Variants in FAM98C observed in about 807,000 individuals in gnomAD.
The protein encoded by FAM98C is protein FAM98C.
A neutral mutation model predicts 41.1 loss-of-function variants in FAM98C; 38 were observed. That is an observed-to-expected ratio of 0.92 (90% CI 0.71 to 1.21). The LOEUF is 1.21. FAM98C is among the 50% of genes most tolerant of loss of function. FAM98C has a pLI of 0.00. For missense variants in FAM98C, 493 were observed against 484.7 expected (o/e 1.02, Z -0.16); for synonymous variants, 195 against 216.7 (o/e 0.90, Z 0.88).
chr19:38,407,697 GA>G (rs1971065041), intron 7 of FAM98C: 1 of 149,598 alleles, frequency 6.7e-6, no homozygotes, highest in African/African-American at 2.4e-5. Flanking sequence ...AACAAAGACA[GA>G]AATAGGCCAG....
chr19:38,407,084 A>G lies in FAM98C; in HGVS notation c.918+7A>G. The G allele has an allele frequency of 6.2e-7, 1 of 1,612,214 alleles. No individual in the cohort carries two copies. Among genetic ancestry groups the G allele is most frequent in the Non-Finnish European group, 8.5e-7 (1 of 1,178,724 alleles). ...CTGCTGTGCCATCAACAAGGTGGGC[A>G]TCTGGGGTAGGGAAGGGCCCTGGCA... On this transcript the variant is annotated splice_region_variant and intron_variant, in intron 7 of 7. Coordinates refer to ENST00000252530, the MANE Select transcript of FAM98C (RefSeq NM_174905.4).
Position 38,403,162 on chromosome 19 carries a change from G to C in FAM98C, c.9G>C (p.Ala3=). The C allele has an allele frequency of 6.5e-7, 1 of 1,531,774 alleles. No homozygotes were observed. The highest frequency in any genetic ancestry group is 8.7e-7 in the Non-Finnish European group (1 of 1,152,692). The allele number at this position is 1,531,774 out of a possible 1,614,324, so 94.9% of individuals were successfully genotyped here. The change falls in exon 1 of 8, where the codon GCG becomes GCC. Residue 3 remains alanine, a synonymous_variant. Coordinates refer to ENST00000252530, the MANE Select transcript of FAM98C (RefSeq NM_174905.4). ME[A]VKAEAWEGAA... is the part of the protein sequence containing the mutation. ...GCCGAGACCACACTTTCATGGAGGC[G>C]GTGAAGGCGGAAGCGTGGGAGGGGG...
intron 1 of FAM98C, 43 bp from the exon 2 acceptor site, chr19:38,403,295 C>T (rs3745959): frequency 0.11 from 161,621 of 1,504,382 alleles, 10,045 homozygotes; most frequent in East Asian, 0.29. Flanking sequence ...AAAGGGATTC[C>T]CAGTGACATC....
chr19:38,403,610 G>A lies in FAM98C; in HGVS notation c.265G>A (p.Glu89Lys), dbSNP rs1970997425. 2.7e-6 allele frequency: 4 copies of A among 1,486,840 alleles called. No individual in the cohort carries two copies. Among genetic ancestry groups the A allele is most frequent in the Non-Finnish European group, 2.7e-6 (3 of 1,130,596 alleles). 92.1% of individuals were successfully genotyped at this position (1,486,840 alleles called of 1,614,324 possible). A position where few individuals can be genotyped will look rare whatever the true frequency, so the allele number is the denominator to read the frequency against. The change falls in exon 3 of 8, where the codon GAG (glutamate) becomes AAG (lysine). Residue 89 changes from glutamate (E) to lysine (K), a missense_variant. Glu to Lys is a moderately conservative substitution (Grantham distance 56). Coordinates refer to ENST00000252530, the MANE Select transcript of FAM98C (RefSeq NM_174905.4). Reference sequence around the variant, plus strand: ...GCGGCAGCTCGGCAGCCTGCTGCGGGAGCTGCACTGCCCGGATCGCGCGCT... The same window carrying A: ...GCGGCAGCTCGGCAGCCTGCTGCGGAAGCTGCACTGCCCGGATCGCGCGCT... ...FLRQLGSLLR[E>K]LHCPDRALCG...
Position 38,403,374 on chromosome 19 carries a change from C to T in FAM98C, c.102C>T (p.Ala34=), listed in dbSNP as rs1434684603. The change falls in exon 2 of 8, where the codon GCC becomes GCT. Residue 34 remains alanine, a synonymous_variant. Transcript: ENST00000252530. ...GGVPGAASRG[A]SCPDFRGLCV... ...TCCCGGGGGCGGCGTCGCGGGGCGCCTCATGCCCAGACTTCAGGGGGCTGT... is the reference window on the plus strand; with the variant it reads ...TCCCGGGGGCGGCGTCGCGGGGCGCTTCATGCCCAGACTTCAGGGGGCTGT... 10 of 1,471,220 alleles carry T rather than the reference C, an allele frequency of 6.8e-6. No homozygotes were observed. Among genetic ancestry groups the T allele is most frequent in the African/African-American group, 3.0e-5 (2 of 67,382 alleles). 91.1% of individuals were successfully genotyped at this position (1,471,220 alleles called of 1,614,324 possible).
chr19:38,405,858 C>CGTTTTTT lies in FAM98C; in HGVS notation c.750+223_750+224insGTTTTTT, dbSNP rs768707631. ...CAGTATATTCAGAGGCATACCCCAT[C>CGTTTTTT]ATTTTTTTTTTTTTTTTGAGACGGG... On this transcript the variant is annotated intron_variant, in intron 6 of 7. Transcript: ENST00000252530. 3.3e-4 allele frequency: 160 copies of CGTTTTTT among 482,836 alleles called. 1 individual carries two copies. The highest frequency in any genetic ancestry group is 3.1e-3 in the African/African-American group (152 of 49,580). The allele number at this position is 482,836 out of a possible 1,614,324, so 29.9% of individuals were successfully genotyped here. A position where few individuals can be genotyped will look rare whatever the true frequency, so the allele number is the denominator to read the frequency against.
At chr19:38,408,690 C>T in intron 7 of FAM98C, 61 bp from the exon 8 acceptor site, 1 of 1,611,782 alleles carries the variant, frequency 6.2e-7, no homozygotes, top group Non-Finnish European at 8.5e-7. Context: ...TCCCTTCGCT[C>T]TCTGGCCCCC....
intron 7 of FAM98C, chr19:38,407,800 C>G (rs1419373867): frequency 2.0e-5 from 3 of 151,668 alleles, no homozygotes; most frequent in Admixed American, 2.0e-4. Context: ...CTGGCTAACA[C>G]GGTGAAACCC....
At chr19:38,408,713 CT>C (rs761511532) in intron 7 of FAM98C, 37 bp from the exon 8 acceptor site, 5 of 1,613,924 alleles carry the variant, frequency 3.1e-6, no homozygotes, top group Middle Eastern at 1.6e-4. Context: ...GTCCAAGATA[CT>C]TTTTTTCTCT....
chr19:38,405,009 G>T lies in FAM98C; in HGVS notation c.451G>T (p.Ala151Ser), dbSNP rs1971018303. Residue 151 changes from alanine (A) to serine (S), a missense_variant, in exon 4 of 8, where the codon GCC (alanine) becomes TCC (serine). Ala to Ser is a moderately conservative substitution (Grantham distance 99). Coordinates refer to ENST00000252530, the MANE Select transcript of FAM98C (RefSeq NM_174905.4). Reference sequence around the variant, plus strand: ...CCTTGGTGAAGGGGTAGTGGAGGGAGCCGGCATGGTCCAAGAACTGGACCT... The same window carrying T: ...CCTTGGTGAAGGGGTAGTGGAGGGATCCGGCATGGTCCAAGAACTGGACCT... ...PPLGEGVVEGAGMVQELDLTL... is the reference protein window; with the variant it reads ...PPLGEGVVEGSGMVQELDLTL... 8.7e-6 allele frequency: 14 copies of T among 1,614,178 alleles called. No homozygotes were observed. The highest frequency in any genetic ancestry group is 1.2e-5 in the Non-Finnish European group (14 of 1,180,030).
rs200397704 is a variant in FAM98C at position 38,408,905 on chromosome 19, G to T, written c.*23G>T. ...TAAAGGGGGACTGGTGGTCGGGGGC[G>T]GGGGGTCCTCCATGAGATGCTAATG... On this transcript the variant is annotated 3_prime_UTR_variant, in exon 8 of 8. Coordinates refer to ENST00000252530, the MANE Select transcript of FAM98C (RefSeq NM_174905.4). 1.9e-6 allele frequency: 3 copies of T among 1,542,042 alleles called. No individual in the cohort carries two copies. Among genetic ancestry groups the T allele is most frequent in the South Asian group, 2.5e-5 (2 of 79,418 alleles).
chr19:38,404,684 C>T (rs148962979), intron 3 of FAM98C: 1 of 499,598 alleles, frequency 2.0e-6, no homozygotes, highest in Non-Finnish European at 3.7e-6. Context: ...GCACTCACCA[C>T]TATGTCCTGC....
At position 38,408,871 on chromosome 19, in the gene FAM98C, A is replaced by G; in HGVS notation, c.1039A>G (p.Lys347Glu). The G allele has an allele frequency of 1.3e-6, 2 of 1,578,654 alleles. No homozygotes were observed. Among genetic ancestry groups the G allele is most frequent in the Non-Finnish European group, 1.7e-6 (2 of 1,167,796 alleles). Residue 347 changes from lysine (K) to glutamate (E), a missense_variant, in exon 8 of 8, where the codon AAG (lysine) becomes GAG (glutamate). Transcript: ENST00000252530. ...CCAGTGTTGGGGTCGCAAGAAGAAG[A>G]AGAAGAAGTAAAGGGGGACTGGTGG... ...GPQCWGRKKKKKK is the reference protein window; with the variant it reads ...GPQCWGRKKKEKK
rs1971019572 is a variant in FAM98C, at chr19:38,405,081, G to GC, written c.525dup (p.Ser176GlnfsTer10). 3.1e-6 allele frequency: 5 copies of GC among 1,611,288 alleles called. No individual in the cohort carries two copies. The highest frequency in any genetic ancestry group is 4.2e-6 in the Non-Finnish European group (5 of 1,178,012). ...GCCCAGACCTGCACCAGGGACCCCC[G>GC]CCAGCCAGCTGCTGCAGGAGTTGCA... On this transcript the variant is annotated frameshift_variant, in exon 4 of 8. Coordinates refer to ENST00000252530, the MANE Select transcript of FAM98C (RefSeq NM_174905.4). LOFTEE classifies it high-confidence loss of function.
rs1338437123 is a variant in FAM98C at position 38,404,956 on chromosome 19, C to T, written c.398C>T (p.Ser133Phe). ...GCCACCCGCCTCCTGTGCCTCCGCT[C>T]TCTGCTGGATCCGAGTCCTAGGCCA... ...LQATRLLCLR[S>F]LLDPSPRPPL... The change falls in exon 4 of 8, where the codon TCT (serine) becomes TTT (phenylalanine). Residue 133 changes from serine (S) to phenylalanine (F), a missense_variant. Transcript: ENST00000252530. The T allele has an allele frequency of 3.1e-6, 5 of 1,614,166 alleles. No homozygotes were observed. The highest frequency in any genetic ancestry group is 1.7e-5 in the Admixed American group (1 of 60,022).
At position 38,406,978 on chromosome 19, in the gene FAM98C, C is replaced by G; in HGVS notation, c.819C>G (p.Ile273Met). The change falls in exon 7 of 8, where the codon ATC becomes ATG. Residue 273 changes from isoleucine to methionine, a missense_variant. Coordinates refer to ENST00000252530, the MANE Select transcript of FAM98C (RefSeq NM_174905.4). ...AGGTTCTGACCCCAGAATCGGACAT[C>G]TCCATTGCACACGTTCTGGCTGCCC... ...IREVLTPESD[I>M]SIAHVLAARA... The G allele has an allele frequency of 6.2e-7, 1 of 1,614,194 alleles. No individual in the cohort carries two copies. The highest frequency in any genetic ancestry group is 8.5e-7 in the Non-Finnish European group (1 of 1,180,034).
Position 38,405,076 on chromosome 19 carries a change from C to A in FAM98C, c.518C>A (p.Thr173Asn). 6.2e-7 allele frequency: 1 copy of A among 1,611,118 alleles called. No individual in the cohort carries two copies. The highest frequency in any genetic ancestry group is 8.5e-7 in the Non-Finnish European group (1 of 1,177,836). ...GGGCTGCCCAGACCTGCACCAGGGA[C>A]CCCCGCCAGCCAGCTGCTGCAGGAG... ...ALGLPRPAPG[T>N]PASQLLQELH... The change falls in exon 4 of 8, where the codon ACC becomes AAC. Residue 173 changes from threonine to asparagine, a missense_variant. By Grantham distance (65) the Thr-to-Asn change is moderately conservative. Transcript: ENST00000252530.
At chr19:38,405,858 C>CGTTTTTTTTTTTT (rs768707631) in intron 6 of FAM98C, 2 of 480,712 alleles carry the variant, frequency 4.2e-6, no homozygotes, top group South Asian at 2.8e-5. Context: ...CATACCCCAT[C>CGTTTTTTTTTTTT]ATTTTTTTTT....
At position 38,403,412 on chromosome 19, in the gene FAM98C, C is replaced by T. The variant is rs1221723462; in HGVS notation, c.140C>T (p.Ala47Val). 2 of 1,436,636 alleles carry T rather than the reference C, an allele frequency of 1.4e-6. No individual in the cohort carries two copies. Among genetic ancestry groups the T allele is most frequent in the Non-Finnish European group, 9.0e-7 (1 of 1,106,960 alleles). The allele number at this position is 1,436,636 out of a possible 1,614,324, so 89.0% of individuals were successfully genotyped here. Residue 47 changes from alanine (A) to valine (V), a missense_variant, in exon 2 of 8, where the codon GCG (alanine) becomes GTG (valine). By Grantham distance (64) the Ala-to-Val change is moderately conservative. Transcript: ENST00000252530. ...TTCAGGGGGCTGTGCGTGCGGCTGG[C>T]GGCGGAGCTGGCGACGCTGGGCGCC... ...PDFRGLCVRL[A>V]AELATLGALE...
Sources: allele counts gnomAD v4.1 joint callset, GRCh38; gene constraint gnomAD v4.1.1; transcripts MANE v1.5; gene names NCBI Gene and HGNC (gene_info 2026-07-23, HGNC 2026-07-21).